Variants in ARHGAP17 observed in about 807,000 individuals in gnomAD.
ARHGAP17 encodes rho GTPase-activating protein 17.
A neutral mutation model predicts 99.5 loss-of-function variants in ARHGAP17; 57 were observed. That is an observed-to-expected ratio of 0.57 (90% confidence interval 0.46 to 0.71). The LOEUF is 0.71. ARHGAP17 is among the 30% of genes least tolerant of loss of function. ARHGAP17 has a pLI of 0.00. For missense variants in ARHGAP17, 1,000 were observed against 1,122.4 expected (o/e 0.89, Z 1.56); for synonymous variants, 417 against 429.6 (o/e 0.97, Z 0.36).
At chr16:24,985,529 C>T (rs2052839039) in intron 1 of ARHGAP17, among the ~76,000 whole-genome samples, 1 of 152,204 alleles carries the variant, frequency 6.6e-6, no homozygotes. Flanking sequence ...ACAGTCACCT[C>T]TTCCTCTGAC....
At chr16:24,943,696 T>G in intron 15 of ARHGAP17, 75 bp downstream of exon 15, 2 of 1,266,248 alleles carry the variant, frequency 1.6e-6, no homozygotes, top group Non-Finnish European at 1.1e-6. Context: ...GGATTACAGA[T>G]GTATTCTCTT....
At chr16:25,013,537 C>T (rs2141559229) in intron 1 of ARHGAP17, among the ~76,000 whole-genome samples, 1 of 152,040 alleles carries the variant, frequency 6.6e-6, no homozygotes, top group South Asian at 2.1e-4. Flanking sequence ...GAGAGGGTCG[C>T]TTGAGCCCAG....
At chr16:24,945,772 G>T (rs1217990028) in intron 14 of ARHGAP17, among the ~76,000 whole-genome samples, 1 of 152,162 alleles carries the variant, frequency 6.6e-6, no homozygotes, top group Non-Finnish European at 1.5e-5. Flanking sequence ...GGATTAGGGA[G>T]GAACTGTCCT....
chr16:24,941,780 A>G, intron 16 of ARHGAP17: 1 of 630,836 alleles, frequency 1.6e-6, no homozygotes, highest in Non-Finnish European at 2.7e-6. Flanking sequence ...ACGTGGAAGA[A>G]ACGTTAACTG....
intron 1 of ARHGAP17, among the ~76,000 whole-genome samples, chr16:25,014,758 G>C (rs2053737690): frequency 1.3e-5 from 2 of 152,192 alleles, no homozygotes; most frequent in Non-Finnish European, 2.9e-5. Context: ...GCAAACAGCG[G>C]GAGCACCGGG....
intron 1 of ARHGAP17, among the ~76,000 whole-genome samples, chr16:25,001,039 A>G (rs1378428281): frequency 1.3e-5 from 2 of 152,230 alleles, no homozygotes; most frequent in South Asian, 2.1e-4. Flanking sequence ...GAAATGTCCA[A>G]TAAAGGTAGA....
intron 18 of ARHGAP17, among the ~76,000 whole-genome samples, chr16:24,935,242 T>C (rs2051103151): frequency 6.6e-6 from 1 of 152,016 alleles, no homozygotes; most frequent in Admixed American, 6.5e-5. Flanking sequence ...ACTGACTGTT[T>C]GTTAAGCTTT....
intron 19 of ARHGAP17, chr16:24,927,548 C>T: frequency 4.7e-6 from 1 of 214,088 alleles, no homozygotes; most frequent in Non-Finnish European, 9.3e-6. Flanking sequence ...AAAGCCAGTC[C>T]TCCTTCAGTG....
chr16:25,014,140 A>C (rs1264474848), intron 1 of ARHGAP17, among the ~76,000 whole-genome samples: 1 of 151,862 alleles, frequency 6.6e-6, no homozygotes, highest in Non-Finnish European at 1.5e-5. Flanking sequence ...AGAGGAAGTA[A>C]AAGTATTTTC....
intron 1 of ARHGAP17, among the ~76,000 whole-genome samples, chr16:24,982,965 CATATATATATATATATATAT>C (rs144714067): frequency 3.1e-5 from 1 of 32,762 alleles, no homozygotes; most frequent in African/African-American, 1.1e-4. Context: ...CTTGATAAAT[CATATATATATATATATATAT>C]ATATATATAT....
chr16:25,012,984 G>C (rs1285043757), intron 1 of ARHGAP17, among the ~76,000 whole-genome samples: 1 of 152,114 alleles, frequency 6.6e-6, no homozygotes, highest in African/African-American at 2.4e-5. Context: ...CCTGGCCATG[G>C]GGTAGGAACC....
chr16:24,935,440 C>A lies in ARHGAP17; in HGVS notation c.1894+30G>T, dbSNP rs920385424. On this transcript the variant is annotated intron_variant, in intron 18 of 19. Coordinates refer to ENST00000289968, the MANE Select transcript of ARHGAP17 (RefSeq NM_001006634.3). Reference sequence around the variant, plus strand: ...CTTAAGGAGGTCTGCACAGGCTTCCCTGAGGGCAAGGAGGACGGTGGCTGC... The same window carrying A: ...CTTAAGGAGGTCTGCACAGGCTTCCATGAGGGCAAGGAGGACGGTGGCTGC... 6.4e-6 allele frequency: 10 copies of A among 1,558,608 alleles called. No individual in the cohort carries two copies. In the African/African-American group the frequency reaches 1.2e-4, roughly 19 times the overall value.
chr16:24,942,581 AG>A (rs2051344828), intron 15 of ARHGAP17, among the ~76,000 whole-genome samples: 2 of 152,222 alleles, frequency 1.3e-5, no homozygotes, highest in East Asian at 1.9e-4. Context: ...AGCCTGGCCA[AG>A]AACGTGAAAC....
At position 24,920,240 on chromosome 16, in the gene ARHGAP17, C is replaced by T; in HGVS notation, c.2536G>A (p.Glu846Lys). The stretch of plus-strand genomic sequence containing the variant: ...TCAGGAAAGATGCTGCGATGCGGTT[C>T]TGAAACCCTGGAATTGGAGTCTGGA... ...IVTDSNSRVSEPHRSIFPEMH... is the reference protein window; with the variant it reads ...IVTDSNSRVSKPHRSIFPEMH... Residue 846 changes from glutamate (E) to lysine (K), a missense_variant, in exon 20 of 20, where the codon GAA becomes AAA. Glu to Lys is a moderately conservative substitution (Grantham distance 56). Coordinates refer to ENST00000289968, the MANE Select transcript of ARHGAP17 (RefSeq NM_001006634.3). 1 of 1,614,064 alleles carries T rather than the reference C, an allele frequency of 6.2e-7. No homozygotes were observed. The highest frequency in any genetic ancestry group is 8.5e-7 in the Non-Finnish European group (1 of 1,179,988).
intron 11 of ARHGAP17, 140 bp downstream of exon 11, chr16:24,952,791 A>C (rs1477751500): frequency 4.3e-6 from 3 of 695,814 alleles, no homozygotes; most frequent in East Asian, 5.1e-5. Flanking sequence ...ATATACACTA[A>C]GGAATTGTAG....
intron 17 of ARHGAP17, among the ~76,000 whole-genome samples, chr16:24,937,355 G>A (rs753470404): frequency 2.5e-4 from 38 of 152,082 alleles, no homozygotes; most frequent in Non-Finnish European, 4.3e-4. Context: ...CCAGGAGGCA[G>A]AGGTTGCAGT....
intron 19 of ARHGAP17, among the ~76,000 whole-genome samples, chr16:24,929,111 T>C (rs1316864090): frequency 1.3e-5 from 2 of 151,498 alleles, no homozygotes; most frequent in African/African-American, 4.9e-5. Flanking sequence ...CTGGGAAGAG[T>C]AGACTGCTGC....
chr16:24,928,906 AT>A (rs1280591891), intron 19 of ARHGAP17, among the ~76,000 whole-genome samples: 2 of 152,092 alleles, frequency 1.3e-5, no homozygotes, highest in African/African-American at 4.8e-5. Context: ...TTGGCGGAAG[AT>A]TTTTTTTAAT....
chr16:24,953,967 C>A (rs2051725724), intron 10 of ARHGAP17, among the ~76,000 whole-genome samples: 1 of 151,916 alleles, frequency 6.6e-6, no homozygotes, highest in Admixed American at 6.6e-5. Context: ...GTCATGCAAG[C>A]ACATCAAGCT....
Sources: gnomAD v4.1 joint callset for allele counts (sites outside exome capture counted in the v4.1 genomes callset) on GRCh38, gnomAD v4.1.1 for gene constraint, MANE v1.5 for transcripts, NCBI Gene and HGNC (gene_info 2026-07-23, HGNC 2026-07-21) for gene names.